ABHD6: variants seen among roughly 807,000 people sequenced by gnomAD.
ABHD6 encodes monoacylglycerol lipase ABHD6.
A neutral mutation model predicts 38.8 loss-of-function variants in ABHD6; 33 were observed. The ratio of observed to expected loss-of-function variants is 0.85; its 90% CI spans 0.64 to 1.14. ABHD6 has a LOEUF of 1.14. Among genes scored for constraint, ABHD6 ranks in the 50% most tolerant of loss-of-function variants. The pLI is 0.00. For missense variants in ABHD6, 380 were observed against 422.6 expected (o/e 0.90, Z 0.88); for synonymous variants, 147 against 161.6 (o/e 0.91, Z 0.69).
Position 58,274,656 on chromosome 3 carries a change from A to G in ABHD6, c.524-2A>G. 1 of 1,612,582 alleles carries G rather than the reference A, an allele frequency of 6.2e-7. No homozygotes were observed. Among genetic ancestry groups the G allele is most frequent in the Non-Finnish European group, 8.5e-7 (1 of 1,179,378 alleles). On this transcript the variant is annotated splice_acceptor_variant, in intron 6 of 9. Transcript: ENST00000478253. LOFTEE classifies it high-confidence loss of function. ...CAAGCCATTTGGGTTTGAATCCCAC[A>G]GGCCTGCAGTACTCAACTGACAATC...
chr3:58,290,092 T>G (rs2097460855), intron 9 of ABHD6, among the ~76,000 whole-genome samples: 1 of 109,308 alleles, frequency 9.1e-6, no homozygotes, highest in Non-Finnish European at 1.8e-5. Context: ...GCAGAGAGGC[T>G]CCTCACTTCC....
At chr3:58,245,785 AAAG>A (rs1204868210) in intron 1 of ABHD6, among the ~76,000 whole-genome samples, 2 of 113,668 alleles carry the variant, frequency 1.8e-5, no homozygotes, top group African/African-American at 4.5e-5. Flanking sequence ...GTCTCAAAAA[AAAG>A]AAAGAAAGAA....
Position 58,257,065 on chromosome 3 carries a change from C to T in ABHD6, c.119+360C>T, listed in dbSNP as rs372492477. ...TTTTACAGGTGTATGCCACCACGCCCGGCTAATTTTTTTTGTATTTTTAGT... is the reference window on the plus strand; with the variant it reads ...TTTTACAGGTGTATGCCACCACGCCTGGCTAATTTTTTTTGTATTTTTAGT... On this transcript the variant is annotated intron_variant, in intron 3 of 9. Coordinates refer to ENST00000478253, the MANE Select transcript of ABHD6 (RefSeq NM_001320126.2). This position sits in a 1 kb window ranked among gnomAD's most constrained non-coding sequence, Gnocchi z 4.8. Among the ~76,000 whole-genome samples, 7 of 151,982 alleles carry T rather than the reference C, an allele frequency of 4.6e-5. No individual in the cohort carries two copies. Among genetic ancestry groups the T allele is most frequent in the Admixed American group, 3.3e-4 (5 of 15,234 alleles).
At chr3:58,264,388 C>T (rs2097439262) in intron 3 of ABHD6, among the ~76,000 whole-genome samples, 1 of 1,640 alleles carries the variant, frequency 6.1e-4, no homozygotes. Flanking sequence ...TATATAAACG[C>T]ACACACACAC....
In ABHD6 at chr3:58,259,842, C is replaced by T. The variant is rs889771527; in HGVS notation, c.119+3137C>T. Reference sequence around the variant, plus strand: ...CCCCATACCTAGTAGCCATCAATCCCAGTTTCTCCCTCACTTCATCTTCTG... The same window carrying T: ...CCCCATACCTAGTAGCCATCAATCCTAGTTTCTCCCTCACTTCATCTTCTG... On this transcript the variant is annotated intron_variant, in intron 3 of 9. Transcript: ENST00000478253. This position sits in a 1 kb window ranked among gnomAD's most constrained non-coding sequence, Gnocchi z 4.7. 1.3e-5 allele frequency among the ~76,000 whole-genome samples: 2 copies of T among 152,158 alleles called. No homozygotes were observed. Among genetic ancestry groups the T allele is most frequent in the Non-Finnish European group, 2.9e-5 (2 of 68,040 alleles).
intron 9 of ABHD6, among the ~76,000 whole-genome samples, chr3:58,289,549 G>T (rs1038124957): frequency 6.7e-6 from 1 of 149,270 alleles, no homozygotes; most frequent in African/African-American, 2.6e-5. Flanking sequence ...ACAGGGTTGC[G>T]GGGTAAGGTC....
chr3:58,259,111 C>T lies in ABHD6; in HGVS notation c.119+2406C>T, dbSNP rs2097435267. ...AACGACATGAAATTGAAGGAGAGAA[C>T]ACAATTCACTGATGTGGCTCGTAAC... On this transcript the variant is annotated intron_variant, in intron 3 of 9. Transcript: ENST00000478253. This position sits in a 1 kb window ranked among gnomAD's most constrained non-coding sequence, Gnocchi z 4.7. Among the ~76,000 whole-genome samples the T allele has an allele frequency of 6.6e-6, 1 of 152,108 alleles. No individual in the cohort carries two copies. Among genetic ancestry groups the T allele is most frequent in the African/African-American group, 2.4e-5 (1 of 41,420 alleles).
chr3:58,250,879 A>C (rs1230841433), intron 2 of ABHD6, among the ~76,000 whole-genome samples: 1 of 152,154 alleles, frequency 6.6e-6, no homozygotes, highest in Non-Finnish European at 1.5e-5. Context: ...GCCATATATC[A>C]GGCAGTGTAG....
intron 1 of ABHD6, among the ~76,000 whole-genome samples, chr3:58,241,635 A>G (rs952092324): frequency 2.6e-5 from 4 of 152,182 alleles, no homozygotes; most frequent in African/African-American, 7.2e-5. Flanking sequence ...TACGTTACAT[A>G]TGATGAAGTC....
chr3:58,264,387 GCACACACACA>G (rs61099164), intron 3 of ABHD6, among the ~76,000 whole-genome samples: 10,161 of 132,254 alleles, frequency 0.077, 727 homozygotes, highest in Admixed American at 0.18. Context: ...TTATATAAAC[GCACACACACA>G]CACACACACA....
rs2097441924 is a variant in ABHD6 at position 58,267,477 on chromosome 3, CA to C, written c.276+134del. The C allele has an allele frequency of 8.6e-7, 1 of 1,165,426 alleles. No individual in the cohort carries two copies. The highest frequency in any genetic ancestry group is 1.6e-5 in the African/African-American group (1 of 63,908). The allele number at this position is 1,165,426 out of a possible 1,614,324, so 72.2% of individuals were successfully genotyped here. A position where few individuals can be genotyped will look rare whatever the true frequency, so the allele number is the denominator to read the frequency against. On this transcript the variant is annotated intron_variant, in intron 4 of 9. Coordinates refer to ENST00000478253, the MANE Select transcript of ABHD6 (RefSeq NM_001320126.2). This position sits in a 1 kb window ranked among gnomAD's most constrained non-coding sequence, Gnocchi z 4.3. ...TCCAGGAGTTCAAAACCAGCCTGGA[CA>C]ACATAAAGAAACCCTGTCTCTACAA...
Position 58,276,809 on chromosome 3 carries a change from A to T in ABHD6, c.681+1994A>T, listed in dbSNP as rs2097449065. Among the ~76,000 whole-genome samples, 3 of 152,282 alleles carry T rather than the reference A, an allele frequency of 2.0e-5. No individual in the cohort carries two copies. The Middle Eastern group carries it at 0.01, about 518-fold the overall frequency. ...TTTTTGTATAAGGTGTAAGGAAAGG[A>T]TCCAGTTTCAGCTTTCTACATATGG... On this transcript the variant is annotated intron_variant, in intron 7 of 9. Coordinates refer to ENST00000478253, the MANE Select transcript of ABHD6 (RefSeq NM_001320126.2).
chr3:58,239,580 A>T (rs1372173108), intron 1 of ABHD6, among the ~76,000 whole-genome samples: 1 of 152,092 alleles, frequency 6.6e-6, no homozygotes, highest in Non-Finnish European at 1.5e-5. Context: ...ACTCCAAATT[A>T]TCCATTGTCT....
At chr3:58,286,108 C>T (rs1173270738) in intron 9 of ABHD6, among the ~76,000 whole-genome samples, 1 of 152,080 alleles carries the variant, frequency 6.6e-6, no homozygotes, top group Non-Finnish European at 1.5e-5. Context: ...CAAGCTCTGC[C>T]TCCTGGGTTC....
intron 1 of ABHD6, among the ~76,000 whole-genome samples, chr3:58,244,574 G>C (rs1481760436): frequency 6.6e-6 from 1 of 152,088 alleles, no homozygotes; most frequent in Non-Finnish European, 1.5e-5. Flanking sequence ...AGAACAGCCT[G>C]GGTAACATAG....
chr3:58,238,372 C>G lies in ABHD6; in HGVS notation c.-91+456C>G, dbSNP rs1287593202. 1.3e-5 allele frequency: 2 copies of G among 152,648 alleles called. No individual in the cohort carries two copies. Among genetic ancestry groups the G allele is most frequent in the African/African-American group, 4.8e-5 (2 of 41,474 alleles). The allele number at this position is 152,648 out of a possible 1,614,324, so 9.5% of individuals were successfully genotyped here. ...TCCGTGTCACGCGCCGCCTCCGCGC[C>G]GTCCCCAAGATCTCGCTCCGCTACT... is the stretch of plus-strand genomic sequence containing the variant. On this transcript the variant is annotated intron_variant, in intron 1 of 9. Transcript: ENST00000478253. The surrounding 1 kb of genome is among the most constrained non-coding windows in gnomAD (Gnocchi z 6.9).
At position 58,257,006 on chromosome 3, in the gene ABHD6, C is replaced by G. The variant is rs1414593939; in HGVS notation, c.119+301C>G. On this transcript the variant is annotated intron_variant, in intron 3 of 9. Transcript: ENST00000478253. This position sits in a 1 kb window ranked among gnomAD's most constrained non-coding sequence, Gnocchi z 4.8. ...GCAACCTCCACCTCCTGGCTTCAAT[C>G]AATTTTCCTGCTTCAGCCTCCAAGT... Among the ~76,000 whole-genome samples the G allele has an allele frequency of 6.6e-6, 1 of 152,064 alleles. No homozygotes were observed. Among genetic ancestry groups the G allele is most frequent in the East Asian group, 1.9e-4 (1 of 5,176 alleles).
chr3:58,281,413 G>A (rs2107468383), intron 7 of ABHD6, among the ~76,000 whole-genome samples: 1 of 152,348 alleles, frequency 6.6e-6, no homozygotes, highest in South Asian at 2.1e-4. Context: ...AGGCACGGGA[G>A]AGAATCTTCT....
At position 58,273,289 on chromosome 3, in the gene ABHD6, G is replaced by A. The variant is rs1182563898; in HGVS notation, c.524-1369G>A. On this transcript the variant is annotated intron_variant, in intron 6 of 9. Transcript: ENST00000478253. This position sits in a 1 kb window ranked among gnomAD's most constrained non-coding sequence, Gnocchi z 4.8. ...TCTTTTCTAGATTTTGCTGGGTGAGGTAGCTCACACCTGTAATCCCAACAC... is the reference window on the plus strand; with the variant it reads ...TCTTTTCTAGATTTTGCTGGGTGAGATAGCTCACACCTGTAATCCCAACAC... Among the ~76,000 whole-genome samples, 1 of 152,038 alleles carries A rather than the reference G, an allele frequency of 6.6e-6. No homozygotes were observed. The highest frequency in any genetic ancestry group is 1.5e-5 in the Non-Finnish European group (1 of 68,016).
Sources: gnomAD v4.1 joint callset for allele counts (sites outside exome capture counted in the v4.1 genomes callset) on GRCh38, gnomAD v4.1.1 for gene constraint, Gnocchi (gnomAD v3.1) non-coding constraint, MANE v1.5 for transcripts, NCBI Gene and HGNC (gene_info 2026-07-23, HGNC 2026-07-21) for gene names.